MAPK10: variants seen among roughly 807,000 people sequenced by gnomAD.
MAPK10 encodes JNK3 alpha protein kinase.
A neutral mutation model predicts 59.3 loss-of-function variants in MAPK10; 25 were observed. That is an observed-to-expected ratio of 0.42 (90% CI 0.31 to 0.59). The LOEUF (loss-of-function observed/expected upper bound fraction) is 0.59, where lower values mean the gene tolerates loss of function less well. Among genes scored for constraint, MAPK10 ranks in the 20% least tolerant of loss-of-function variants. The probability of loss-of-function intolerance (pLI) is 0.15; values close to 1 mark genes in which losing one functional copy is unlikely to be tolerated. For synonymous variants in MAPK10, 190 were observed against 200.5 expected (o/e 0.95, Z 0.44); for missense variants, 351 against 568.9 (o/e 0.62, Z 3.90).
chr4:86,375,666 G>A (rs750163370), intron 1 of MAPK10, among the ~76,000 whole-genome samples: 8 of 119,986 alleles, frequency 6.7e-5, no homozygotes, highest in Non-Finnish European at 1.6e-5. Flanking sequence ...AGTGAGCCAT[G>A]AGCATTCCAC....
At chr4:86,105,173 T>A (rs943622724) in intron 5 of MAPK10, among the ~76,000 whole-genome samples, 5 of 152,128 alleles carry the variant, frequency 3.3e-5, no homozygotes, top group African/African-American at 1.2e-4. Context: ...CTAAACAGAT[T>A]TTCTTCACTA....
Position 86,372,564 on chromosome 4 carries a change from G to GAAAGAAAGAAAGAGAGAAAGAAAGA in MAPK10, c.-121-17921_-121-17920insTCTTTCTTTCTCTCTTTCTTTCTTT. Reference sequence around the variant, plus strand: ...AGAAAGAAAGAAAGAAAGAAAGAAAGAAAGAAAAGAAAAGAAAAGAAAAGA... The same window carrying GAAAGAAAGAAAGAGAGAAAGAAAGA: ...AGAAAGAAAGAAAGAAAGAAAGAAAGAAAGAAAGAAAGAGAGAAAGAAAGAAAAGAAAAGAAAAGAAAAGAAAAGA... On this transcript the variant is annotated intron_variant, in intron 1 of 13. Transcript: ENST00000361569. 7.6e-5 allele frequency among the ~76,000 whole-genome samples: 6 copies of GAAAGAAAGAAAGAGAGAAAGAAAGA among 78,690 alleles called. No homozygotes were observed. The Admixed American group carries it at 8.2e-4, about 11-fold the overall frequency. 51.6% of individuals were successfully genotyped at this position (78,690 alleles called of 152,430 possible).
intron 2 of MAPK10, among the ~76,000 whole-genome samples, chr4:86,263,787 A>T (rs937652724): frequency 1.3e-5 from 2 of 152,186 alleles, no homozygotes; most frequent in African/African-American, 4.8e-5. Flanking sequence ...TTTTTGATAG[A>T]CACTGAAAAT....
chr4:86,145,001 A>C (rs186209699), intron 4 of MAPK10, among the ~76,000 whole-genome samples: 21 of 152,182 alleles, frequency 1.4e-4, no homozygotes, highest in Admixed American at 7.9e-4. Context: ...AAAAAAACCC[A>C]AAAAAACAAA....
At chr4:86,037,949 A>G (rs2040683408) in intron 11 of MAPK10, among the ~76,000 whole-genome samples, 1 of 152,224 alleles carries the variant, frequency 6.6e-6, no homozygotes, top group Non-Finnish European at 1.5e-5. Flanking sequence ...TTTCTGTTCC[A>G]ATTTTCTGTC....
chr4:86,150,009 C>T lies in MAPK10; in HGVS notation c.236+9289G>A, dbSNP rs148237850. ...GATATTACAGAAAAGTAAAAAAAAACGGGAGCCAAAGAATTCATAATTGCA... is the reference window on the plus strand; with the variant it reads ...GATATTACAGAAAAGTAAAAAAAAATGGGAGCCAAAGAATTCATAATTGCA... On this transcript the variant is annotated intron_variant, in intron 4 of 13. Coordinates refer to ENST00000641462, the MANE Select transcript of MAPK10 (RefSeq NM_138982.4). Among the ~76,000 whole-genome samples the T allele has an allele frequency of 4.9e-3, 749 of 151,722 alleles. 4 individuals are homozygous for T. Among genetic ancestry groups the T allele is most frequent in the Non-Finnish European group, 7.7e-3 (521 of 67,858 alleles).
At chr4:86,018,638 C>T (rs1744615249) in intron 13 of MAPK10, among the ~76,000 whole-genome samples, 1 of 152,180 alleles carries the variant, frequency 6.6e-6, no homozygotes, top group African/African-American at 2.4e-5. Flanking sequence ...TAAACCAGAG[C>T]ACCCTGGAAA....
intron 1 of MAPK10, among the ~76,000 whole-genome samples, chr4:86,541,012 T>C (rs578101969): frequency 6.6e-6 from 1 of 152,126 alleles, no homozygotes; most frequent in Non-Finnish European, 1.5e-5. Flanking sequence ...GAATGCCCAC[T>C]GATAACGCAG....
At chr4:86,187,861 T>G (rs2078656951) in intron 3 of MAPK10, among the ~76,000 whole-genome samples, 1 of 152,170 alleles carries the variant, frequency 6.6e-6, no homozygotes, top group African/African-American at 2.4e-5. Context: ...GGTGGTTTGC[T>G]GCACCCATCA....
intron 1 of MAPK10, among the ~76,000 whole-genome samples, chr4:86,500,421 C>T (rs1055472796): frequency 1.3e-5 from 2 of 152,080 alleles, no homozygotes; most frequent in Admixed American, 6.6e-5. Flanking sequence ...CTGTGTGGTA[C>T]ACACTCTTCT....
chr4:86,437,522 A>C, intron 1 of MAPK10, among the ~76,000 whole-genome samples: 1 of 152,184 alleles, frequency 6.6e-6, no homozygotes, highest in East Asian at 1.9e-4. Context: ...ATTTGCTAAT[A>C]ACTTAAGATT....
intron 1 of MAPK10, among the ~76,000 whole-genome samples, chr4:86,547,047 G>A (rs774664794): frequency 2.0e-5 from 3 of 152,096 alleles, no homozygotes; most frequent in Non-Finnish European, 4.4e-5. Flanking sequence ...GCGAGACTCC[G>A]TCTAAAAACA....
chr4:86,019,491 A>T (rs1219305612), intron 13 of MAPK10, among the ~76,000 whole-genome samples: 2 of 152,140 alleles, frequency 1.3e-5, no homozygotes, highest in Non-Finnish European at 2.9e-5. Flanking sequence ...TTACTTAATT[A>T]TATCCCCCAT....
chr4:86,025,577 ATTAT>A (rs1560655277), intron 13 of MAPK10: 2 of 398,096 alleles, frequency 5.0e-6, no homozygotes, highest in African/African-American at 2.1e-5. Context: ...TTCTTTCTAT[ATTAT>A]TTAAGAGAAA....
At chr4:86,239,753 G>C (rs1161511861) in intron 2 of MAPK10, among the ~76,000 whole-genome samples, 3 of 146,958 alleles carry the variant, frequency 2.0e-5, no homozygotes, top group Non-Finnish European at 4.5e-5. Flanking sequence ...TTCTTTATTA[G>C]TCTAGCCAGC....
intron 4 of MAPK10, chr4:86,120,486 G>C (rs1418980524): frequency 6.6e-6 from 1 of 152,158 alleles, no homozygotes; most frequent in Non-Finnish European, 1.5e-5. Context: ...GAAAATAGAT[G>C]AATGGAAAGA....
At chr4:86,593,349 A>T (rs185829535) in intron 1 of MAPK10, among the ~76,000 whole-genome samples, 2 of 152,338 alleles carry the variant, frequency 1.3e-5, no homozygotes, top group East Asian at 3.9e-4. Context: ...AGAGTGGACC[A>T]GTTTACCTTA....
intron 1 of MAPK10, among the ~76,000 whole-genome samples, chr4:86,478,990 A>T (rs1266506212): frequency 6.6e-6 from 1 of 152,112 alleles, no homozygotes; most frequent in Non-Finnish European, 1.5e-5. Flanking sequence ...AAGCTCAGGG[A>T]TTTGCCCCTG....
intron 1 of MAPK10, among the ~76,000 whole-genome samples, chr4:86,579,514 T>TACACAC (rs751545047): frequency 6.5e-5 from 6 of 92,678 alleles, no homozygotes; most frequent in Admixed American, 2.5e-4. Flanking sequence ...TGGATATGTG[T>TACACAC]ATACACACAC....
Sources: gnomAD v4.1 joint callset for allele counts (sites outside exome capture counted in the v4.1 genomes callset) on GRCh38, gnomAD v4.1.1 for gene constraint, MANE v1.5 for transcripts, NCBI Gene and HGNC (gene_info 2026-07-23, HGNC 2026-07-21) for gene names.